GIN1: variants seen among roughly 807,000 people sequenced by gnomAD.
The protein encoded by GIN1 is gypsy retrotransposon integrase-like protein 1.
GIN1 carries 41 observed loss-of-function variants against 51.4 expected under a neutral mutation model. The observed-to-expected ratio is 0.80, with a 90% CI of 0.62 to 1.04. GIN1 has a LOEUF of 1.04. GIN1 is among the 50% of genes least tolerant of loss of function. GIN1 has a pLI of 0.00. For missense variants in GIN1, 610 were observed against 612.4 expected, an observed-to-expected ratio of 1.00 and a Z score of 0.04; for synonymous variants, 222 against 206.5, an observed-to-expected ratio of 1.07 and a Z score of -0.64.
Position 103,108,643 on chromosome 5 carries a change from C to T in GIN1, c.65G>A (p.Gly22Asp). The T allele has an allele frequency of 6.2e-7, 1 of 1,603,100 alleles. No individual in the cohort carries two copies. Among genetic ancestry groups the T allele is most frequent in the Non-Finnish European group, 8.5e-7 (1 of 1,170,968 alleles). The change falls in exon 2 of 8, where the codon GGT becomes GAT. Residue 22 changes from glycine (G) to aspartate (D), a missense_variant. Physicochemically the swap from Gly to Asp is moderately conservative, Grantham distance 94. Coordinates refer to ENST00000399004, the MANE Select transcript of GIN1 (RefSeq NM_017676.2). Reference protein sequence around the residue: ...LKQIAYYKRTGEYHSTTLPSE... With the variant: ...LKQIAYYKRTDEYHSTTLPSE... ...TGGCAGTGTAGTTGAATGATATTCA[C>T]CAGTTCGTTTGTAATATGCAATCTG...
chr5:103,116,232 G>A (rs1554197368), intron 1 of GIN1, among the ~76,000 whole-genome samples: 1 of 152,062 alleles, frequency 6.6e-6, no homozygotes, highest in African/African-American at 2.4e-5. Flanking sequence ...TTGGTTTCAG[G>A]ACTTTCTATA....
chr5:103,089,881 C>A (rs1228761468), intron 7 of GIN1, among the ~76,000 whole-genome samples: 1 of 152,148 alleles, frequency 6.6e-6, no homozygotes, highest in Non-Finnish European at 1.5e-5. Flanking sequence ...AATTTATAAA[C>A]TTTAACAGAT....
At chr5:103,102,713 A>G (rs917617211) in intron 4 of GIN1, 33 of 152,030 alleles carry the variant, frequency 2.2e-4, no homozygotes, top group African/African-American at 7.5e-4. Context: ...GGAGTTCAAA[A>G]CCAGCCTGGG....
chr5:103,100,536 T>C (rs115044548), intron 4 of GIN1, among the ~76,000 whole-genome samples: 209 of 152,078 alleles, frequency 1.4e-3, no homozygotes, highest in African/African-American at 4.8e-3. Context: ...GGACTATGAG[T>C]GTGCAACACC....
intron 7 of GIN1, among the ~76,000 whole-genome samples, chr5:103,093,986 T>G (rs1787326516): frequency 6.6e-6 from 1 of 152,218 alleles, no homozygotes; most frequent in African/African-American, 2.4e-5. Context: ...CTTTAGACAG[T>G]GAGTTTTTAA....
At chr5:103,094,706 G>A (rs1448155310) in intron 7 of GIN1, among the ~76,000 whole-genome samples, 1 of 152,170 alleles carries the variant, frequency 6.6e-6, no homozygotes, top group Non-Finnish European at 1.5e-5. Context: ...AATCATGAAT[G>A]TCAAAGATTA....
At chr5:103,097,806 G>A in intron 4 of GIN1, 25 bp from the exon 5 acceptor site, 3 of 1,011,442 alleles carry the variant, frequency 3.0e-6, no homozygotes, top group Non-Finnish European at 4.3e-6. Context: ...AAACAAAGGT[G>A]GCTTTTTAAA....
chr5:103,105,010 T>A (rs1189029515), intron 3 of GIN1, among the ~76,000 whole-genome samples, 164 bp from the exon 4 acceptor site: 1 of 151,984 alleles, frequency 6.6e-6, no homozygotes, highest in Admixed American at 6.6e-5. Flanking sequence ...CTATTTAGAA[T>A]AACAAACAAA....
chr5:103,092,228 G>A (rs997500610), intron 7 of GIN1, among the ~76,000 whole-genome samples: 4 of 151,932 alleles, frequency 2.6e-5, no homozygotes, highest in East Asian at 1.9e-4. Flanking sequence ...TGCTGGTCTC[G>A]AACTCCTGAG....
intron 1 of GIN1, among the ~76,000 whole-genome samples, chr5:103,113,879 T>G (rs1295033362): frequency 2.0e-5 from 3 of 152,142 alleles, no homozygotes; most frequent in Admixed American, 6.5e-5. Context: ...ACATATGAAT[T>G]TTGGGAGAAT....
intron 3 of GIN1, among the ~76,000 whole-genome samples, chr5:103,105,505 C>T (rs986560958): frequency 6.6e-6 from 1 of 152,042 alleles, no homozygotes. Flanking sequence ...CTATTCCAAC[C>T]ATATTTATTG....
At chr5:103,091,349 GACAAC>G (rs1275608575) in intron 7 of GIN1, among the ~76,000 whole-genome samples, 2 of 151,980 alleles carry the variant, frequency 1.3e-5, no homozygotes, top group Admixed American at 6.6e-5. Context: ...TCATCTATTG[GACAAC>G]ACTAATCTAA....
chr5:103,092,689 G>A (rs1787279555), intron 7 of GIN1, among the ~76,000 whole-genome samples: 1 of 21,120 alleles, frequency 4.7e-5, no homozygotes, highest in East Asian at 1.4e-3. Context: ...GCTCACACTT[G>A]TAATTCCAAC....
chr5:103,088,509 A>G (rs40092), intron 7 of GIN1, among the ~76,000 whole-genome samples: 36,114 of 152,132 alleles, frequency 0.24, 5,064 homozygotes, highest in East Asian at 0.45. Context: ...ATAAAATAAT[A>G]AGGCTGTGCA....
rs540799155 is a variant in GIN1, at chr5:103,114,420, AAAGAAG to A, written c.-8+5638_-8+5643del. Among the ~76,000 whole-genome samples the A allele has an allele frequency of 3.3e-5, 5 of 152,374 alleles. No individual in the cohort carries two copies. In the East Asian group the frequency reaches 7.7e-4, roughly 23 times the overall value. On this transcript the variant is annotated intron_variant, in intron 1 of 7. Coordinates refer to ENST00000399004, the MANE Select transcript of GIN1 (RefSeq NM_017676.2). ...CTGACTAGATGTGTGGAGTAAACAC[AAAGAAG>A]AATCTGGGATCACTTCTGTCTGAAG... is the stretch of plus-strand genomic sequence containing the variant.
In GIN1 at chr5:103,104,616, A is replaced by G. The variant is rs782487581; in HGVS notation, c.564T>C (p.Ala188=). 2.5e-6 allele frequency: 4 copies of G among 1,576,402 alleles called. No homozygotes were observed. The highest frequency in any genetic ancestry group is 3.5e-6 in the Non-Finnish European group (4 of 1,145,822). The part of the protein sequence containing the change: ...CDVSASEVSK[A]IINIFFLYGP... ...CATATAAGAAAAATATATTGATAAT[A>G]GCTTTAGAAACTTCTGATGCTGAAA... The change falls in exon 4 of 8, where the codon GCT becomes GCC. Residue 188 remains alanine, a synonymous_variant. Coordinates refer to ENST00000399004, the MANE Select transcript of GIN1 (RefSeq NM_017676.2).
intron 1 of GIN1, among the ~76,000 whole-genome samples, chr5:103,111,026 T>C (rs991455851): frequency 6.6e-6 from 1 of 151,622 alleles, no homozygotes; most frequent in Non-Finnish European, 1.5e-5. Context: ...CTACACTCTC[T>C]CCTCTGCCAG....
chr5:103,092,766 T>A (rs1355400689), intron 7 of GIN1, among the ~76,000 whole-genome samples: 1 of 151,548 alleles, frequency 6.6e-6, no homozygotes, highest in African/African-American at 2.4e-5. Flanking sequence ...GGCAACATAG[T>A]AAGACCCTGT....
intron 7 of GIN1, among the ~76,000 whole-genome samples, chr5:103,092,277 T>TTACA (rs1787262738): frequency 6.6e-6 from 1 of 152,204 alleles, no homozygotes; most frequent in Admixed American, 6.5e-5. Context: ...AATGCTGGGA[T>TTACA]TACAGGCATA....
Sources: gnomAD v4.1 joint callset for allele counts (sites outside exome capture counted in the v4.1 genomes callset) on GRCh38, gnomAD v4.1.1 for gene constraint, MANE v1.5 for transcripts, NCBI Gene and HGNC (gene_info 2026-07-23, HGNC 2026-07-21) for gene names.